Variants in AKR1B15 observed in about 807,000 individuals in gnomAD.
AKR1B15 encodes estradiol 17-beta-dehydrogenase AKR1B15.
A neutral mutation model predicts 38.5 loss-of-function variants in AKR1B15; 49 were observed. That is an observed-to-expected ratio of 1.27 (90% confidence interval 1.01 to 1.62). The LOEUF (loss-of-function observed/expected upper bound fraction) is 1.62. Among genes scored for constraint, AKR1B15 ranks in the 40% most tolerant of loss-of-function variants. The pLI is 0.00. For synonymous variants in AKR1B15, 137 were observed against 135.5 expected, an observed-to-expected ratio of 1.01 and a Z score of -0.08; for missense variants, 411 against 381.6, an observed-to-expected ratio of 1.08 and a Z score of -0.64.
At chr7:134,554,188 G>T (rs1443039714) in intron 1 of AKR1B15, among the ~76,000 whole-genome samples, 1 of 152,118 alleles carries the variant, frequency 6.6e-6, no homozygotes, top group Non-Finnish European at 1.5e-5. Flanking sequence ...CACTGCAAAG[G>T]ACATCAAAGA....
intron 2 of AKR1B15, among the ~76,000 whole-genome samples, chr7:134,562,839 TTTCTTTC>T (rs1794439501): frequency 2.1e-5 from 1 of 47,712 alleles, no homozygotes; most frequent in Non-Finnish European, 4.7e-5. Context: ...TTTCTCTTTC[TTTCTTTC>T]TTTCTTTCTT....
chr7:134,559,143 T>C (rs1204154739), intron 2 of AKR1B15, among the ~76,000 whole-genome samples: 3 of 152,166 alleles, frequency 2.0e-5, no homozygotes, highest in African/African-American at 7.2e-5. Context: ...GAAGGTCATC[T>C]TGTCATCAGT....
intron 1 of AKR1B15, among the ~76,000 whole-genome samples, chr7:134,556,329 T>C (rs1373670654): frequency 6.6e-6 from 1 of 152,068 alleles, no homozygotes; most frequent in African/African-American, 2.4e-5. Context: ...TAAACTAGCC[T>C]GAGATTGCTG....
At position 134,579,491 on chromosome 7, in the gene AKR1B15, T is replaced by TTC. The variant is rs571809496; in HGVS notation, c.993-6_993-5dup. Reference sequence around the variant, plus strand: ...GATGGAACACAGTTTCTTTTTTTTTTTCTCTCTCTCTGTAGATTCTCTCAT... The same window carrying TTC: ...GATGGAACACAGTTTCTTTTTTTTTTTCTCTCTCTCTCTGTAGATTCTCTCAT... On this transcript the variant is annotated splice_polypyrimidine_tract_variant and intron_variant, in intron 11 of 11. Coordinates refer to ENST00000457545, the MANE Select transcript of AKR1B15 (RefSeq NM_001080538.3). The TTC allele has an allele frequency of 3.6e-3, 5,647 of 1,566,112 alleles. 142 individuals carry two copies. In the African/African-American group the frequency reaches 0.068, roughly 19 times the overall value.
In AKR1B15 at chr7:134,566,158, G is replaced by T. The variant is rs528960228; in HGVS notation, c.150+1389G>T. ...ATAATCAATAAATTAGCTGTGCATG[G>T]TGGCATGCAGCTGTAGTCCCAGCCA... On this transcript the variant is annotated intron_variant, in intron 3 of 11. Transcript: ENST00000457545. Among the ~76,000 whole-genome samples the T allele has an allele frequency of 3.3e-5, 5 of 152,302 alleles. No individual in the cohort carries two copies. The South Asian group carries it at 1.0e-3, about 32-fold the overall frequency.
In AKR1B15 at chr7:134,577,061, G is replaced by C; in HGVS notation, c.909+15G>C. 2.5e-6 allele frequency: 4 copies of C among 1,605,046 alleles called. No homozygotes were observed. The highest frequency in any genetic ancestry group is 3.4e-6 in the Non-Finnish European group (4 of 1,171,984). ...AGAACATTCAGGTAAGTTTCCGGCT[G>C]GTCGGGCCTGGTATTCCTCAGTGGA... On this transcript the variant is annotated intron_variant, in intron 10 of 11. Transcript: ENST00000457545.
intron 2 of AKR1B15, among the ~76,000 whole-genome samples, chr7:134,559,100 A>G (rs907544193): frequency 1.3e-5 from 2 of 152,172 alleles, no homozygotes; most frequent in Non-Finnish European, 2.9e-5. Flanking sequence ...GAGCTTAATA[A>G]TCACTTATTT....
At position 134,577,730 on chromosome 7, in the gene AKR1B15, G is replaced by C. The variant is rs2117674834; in HGVS notation, c.936G>C (p.Glu312Asp). Residue 312 changes from glutamate (E) to aspartate (D), a missense_variant, in exon 11 of 12, where the codon GAG becomes GAC. Coordinates refer to ENST00000457545, the MANE Select transcript of AKR1B15 (RefSeq NM_001080538.3). ...IQVFDFKLSD[E>D]EMATILSFNR... ...TCTTTGACTTTAAATTGAGTGATGA[G>C]GAGATGGCAACCATACTCAGCTTCA... The C allele has an allele frequency of 2.5e-6, 4 of 1,613,954 alleles. No individual in the cohort carries two copies. Among genetic ancestry groups the C allele is most frequent in the Non-Finnish European group, 3.4e-6 (4 of 1,179,966 alleles).
At position 134,575,788 on chromosome 7, in the gene AKR1B15, T is replaced by G. The variant is rs192004639; in HGVS notation, c.637-33T>G. On this transcript the variant is annotated intron_variant, in intron 7 of 11. Transcript: ENST00000457545. ...AGGAACAATGCAAAACAGAGCCGGC[T>G]TTCCCCGTGATGAGGATTGTTTGCT... 4.6e-4 allele frequency: 737 copies of G among 1,612,456 alleles called. 1 individual carries two copies. In the African/African-American group the frequency reaches 9.1e-3, roughly 20 times the overall value.
chr7:134,562,827 CCTTTCTCTTTCTTTCTTT>C (rs1175836166), intron 2 of AKR1B15, among the ~76,000 whole-genome samples: 2 of 138,398 alleles, frequency 1.4e-5, no homozygotes, highest in African/African-American at 2.7e-5. Flanking sequence ...TTCCTTCCTT[CCTTTCTCTTTCTTTCTTT>C]CTTTCTTTCT....
intron 2 of AKR1B15, among the ~76,000 whole-genome samples, chr7:134,558,230 A>C (rs1488297066): frequency 6.6e-6 from 1 of 152,216 alleles, no homozygotes; most frequent in Non-Finnish European, 1.5e-5. Flanking sequence ...GCAGGATCTA[A>C]GGAAATTGCG....
intron 3 of AKR1B15, among the ~76,000 whole-genome samples, chr7:134,567,513 C>T (rs1410679203): frequency 2.0e-5 from 3 of 151,978 alleles, no homozygotes; most frequent in African/African-American, 7.3e-5. Context: ...TTCATTACAG[C>T]ATGTCATCAC....
chr7:134,562,329 C>T (rs1214914610), intron 2 of AKR1B15, among the ~76,000 whole-genome samples: 1 of 152,184 alleles, frequency 6.6e-6, no homozygotes, highest in Non-Finnish European at 1.5e-5. Context: ...AAGCGGGTTG[C>T]CTAAGCGTTG....
chr7:134,575,567 A>G (rs550698469), intron 7 of AKR1B15, 25 bp downstream of exon 7: 2 of 1,613,438 alleles, frequency 1.2e-6, no homozygotes, highest in East Asian at 2.2e-5. Flanking sequence ...GTTTAAGGGT[A>G]AGGGTCCTGC....
intron 9 of AKR1B15, 68 bp downstream of exon 9, chr7:134,576,498 G>T: frequency 6.4e-7 from 1 of 1,566,048 alleles, no homozygotes; most frequent in South Asian, 1.1e-5. Context: ...CATTTCTCGT[G>T]TTGTCCTCAA....
Position 134,575,604 on chromosome 7 carries a change from G to C in AKR1B15, c.636+62G>C. On this transcript the variant is annotated intron_variant, in intron 7 of 11. Transcript: ENST00000457545. ...CTATTACTTCTTAAACATTGCGGGG[G>C]GAATGTTCAATGCTATGCCCTGAGT... is the stretch of plus-strand genomic sequence containing the variant. 6.9e-6 allele frequency: 11 copies of C among 1,605,004 alleles called. No individual in the cohort carries two copies. The South Asian group carries it at 1.2e-4, about 18-fold the overall frequency.
intron 3 of AKR1B15, among the ~76,000 whole-genome samples, chr7:134,566,329 C>A (rs1405428743): frequency 9.9e-5 from 15 of 152,128 alleles, no homozygotes; most frequent in African/African-American, 3.6e-4. Flanking sequence ...TGCAGAGTCT[C>A]AGGCTTCACC....
intron 1 of AKR1B15, among the ~76,000 whole-genome samples, chr7:134,554,773 G>A (rs750162076): frequency 4.6e-5 from 7 of 152,226 alleles, no homozygotes; most frequent in African/African-American, 1.4e-4. Flanking sequence ...CTGCTACCAC[G>A]GTAGTTAAGC....
rs1311748088 is a variant in AKR1B15 at position 134,564,703 on chromosome 7, T to A, written c.84T>A (p.Thr28=). Residue 28 remains threonine (T), a synonymous_variant, in exon 3 of 12, where the codon ACT becomes ACA. Coordinates refer to ENST00000457545, the MANE Select transcript of AKR1B15 (RefSeq NM_001080538.3). ...TGGACCAACCCGTTGGCCCTTTGAC[T>A]GGCCTAAAGAGTTCCCTTCTGAAGG... ...GPLDQPVGPL[T]GLKSSLLKDT... The A allele has an allele frequency of 4.3e-6, 3 of 698,178 alleles. No homozygotes were observed. The Admixed American group carries it at 6.0e-5, about 14-fold the overall frequency. The allele number at this position is 698,178 out of a possible 1,614,324, so 43.2% of individuals were successfully genotyped here.
Sources: gnomAD v4.1 joint callset for allele counts (sites outside exome capture counted in the v4.1 genomes callset) on GRCh38, gnomAD v4.1.1 for gene constraint, MANE v1.5 for transcripts, NCBI Gene and HGNC (gene_info 2026-07-23, HGNC 2026-07-21) for gene names.